DOCK4: variants seen among roughly 807,000 people sequenced by gnomAD.
The protein encoded by DOCK4 is dedicator of cytokinesis protein 4.
A neutral mutation model predicts 268.1 loss-of-function variants in DOCK4; 97 were observed. That is an observed-to-expected ratio of 0.36 (90% confidence interval 0.31 to 0.43). DOCK4 has a LOEUF of 0.43. Among genes scored for constraint, DOCK4 ranks in the 20% least tolerant of loss-of-function variants. The pLI is 1.00. For missense variants in DOCK4, 2,145 were observed against 2,455.7 expected (o/e 0.87, Z 2.67); for synonymous variants, 954 against 887.2 (o/e 1.08, Z -1.34).
chr7:112,125,889 G>T (rs1352493881), intron 1 of DOCK4, among the ~76,000 whole-genome samples: 1 of 151,958 alleles, frequency 6.6e-6, no homozygotes, highest in African/African-American at 2.4e-5. Context: ...GCTCATTGCA[G>T]CCTTGACCTC....
At chr7:111,905,280 C>T (rs992073647) in intron 13 of DOCK4, among the ~76,000 whole-genome samples, 1 of 152,136 alleles carries the variant, frequency 6.6e-6, no homozygotes, top group East Asian at 1.9e-4. Flanking sequence ...TCATAGCACC[C>T]GTGTGAAAAG....
chr7:111,795,238 C>A (rs966159653), intron 30 of DOCK4, among the ~76,000 whole-genome samples: 1 of 152,070 alleles, frequency 6.6e-6, no homozygotes, highest in African/African-American at 2.4e-5. Flanking sequence ...GAGGCTGAGG[C>A]AGGAGGATCA....
chr7:112,167,527 G>A (rs528697440), intron 1 of DOCK4, among the ~76,000 whole-genome samples: 3 of 152,118 alleles, frequency 2.0e-5, no homozygotes, highest in Non-Finnish European at 4.4e-5. Flanking sequence ...TAGGAATTCC[G>A]CCTATTACTT....
intron 41 of DOCK4, among the ~76,000 whole-genome samples, chr7:111,756,238 A>G (rs1012822451): frequency 6.6e-6 from 1 of 152,160 alleles, no homozygotes; most frequent in Admixed American, 6.5e-5. Flanking sequence ...AGTCCCAGCT[A>G]CTTGGGAGGC....
In DOCK4 at chr7:111,767,104, G is replaced by T. The variant is rs370281015; in HGVS notation, c.3843C>A (p.Gly1281=). 1.2e-6 allele frequency: 2 copies of T among 1,613,258 alleles called. No individual in the cohort carries two copies. Among genetic ancestry groups the T allele is most frequent in the Non-Finnish European group, 1.7e-6 (2 of 1,179,632 alleles). Reference sequence around the variant, plus strand: ...CTGCAATCTTCCGGCACAAGATAATGCCATTCTCCCAACACTGTGGACAAA... The same window carrying T: ...CTGCAATCTTCCGGCACAAGATAATTCCATTCTCCCAACACTGTGGACAAA... ...NFDRGKCWEN[G]IILCRKIAEQ... Residue 1281 remains glycine, a synonymous_variant, in exon 38 of 53, where the codon GGC becomes GGA. Coordinates refer to ENST00000428084, the MANE Select transcript of DOCK4 (RefSeq NM_001363540.2).
intron 16 of DOCK4, among the ~76,000 whole-genome samples, chr7:111,880,812 A>G (rs567276993): frequency 6.6e-6 from 1 of 152,348 alleles, no homozygotes; most frequent in South Asian, 2.1e-4. Flanking sequence ...TGCCAAGAAT[A>G]TACATTGAGG....
rs1455564736 is a variant in DOCK4 at position 111,728,038 on chromosome 7, A to G, written c.*236T>C. The G allele has an allele frequency of 5.0e-6, 2 of 397,902 alleles. No homozygotes were observed. Among genetic ancestry groups the G allele is most frequent in the Admixed American group, 4.3e-5 (1 of 23,356 alleles). 24.6% of individuals were successfully genotyped at this position (397,902 alleles called of 1,614,324 possible). ...ACAAAAGGAGTCTTTATCACTATTTACCACTTCCAAATGAGAAACGTTTTA... is the reference window on the plus strand; with the variant it reads ...ACAAAAGGAGTCTTTATCACTATTTGCCACTTCCAAATGAGAAACGTTTTA... On this transcript the variant is annotated 3_prime_UTR_variant, in exon 53 of 53. Coordinates refer to ENST00000428084, the MANE Select transcript of DOCK4 (RefSeq NM_001363540.2).
chr7:112,062,408 T>G lies in DOCK4; in HGVS notation c.38-58277A>C, dbSNP rs1232876939. On this transcript the variant is annotated intron_variant, in intron 1 of 52. Coordinates refer to ENST00000428084, the MANE Select transcript of DOCK4 (RefSeq NM_001363540.2). ...GGGACGGTTCATTCTCCAGTAAAAA[T>G]AAAGCTAATTTCTTAAATCTTATAT... Among the ~76,000 whole-genome samples the G allele has an allele frequency of 2.0e-5, 3 of 152,200 alleles. No individual in the cohort carries two copies. The East Asian group carries it at 5.8e-4, about 29-fold the overall frequency.
chr7:112,061,311 G>A (rs1273335207), intron 1 of DOCK4, among the ~76,000 whole-genome samples: 3 of 152,114 alleles, frequency 2.0e-5, no homozygotes, highest in Admixed American at 6.5e-5. Context: ...ACACCCTTGA[G>A]GATTGCAAAG....
chr7:111,784,836 C>T (rs768971456), intron 32 of DOCK4, among the ~76,000 whole-genome samples: 6 of 152,204 alleles, frequency 3.9e-5, no homozygotes, highest in Admixed American at 2.6e-4. Context: ...TACTTCCCTA[C>T]CCCTTGAAAT....
At chr7:112,008,760 G>A (rs150891545) in intron 1 of DOCK4, among the ~76,000 whole-genome samples, 1 of 152,348 alleles carries the variant, frequency 6.6e-6, no homozygotes, top group African/African-American at 2.4e-5. Context: ...TTGCGGGGCC[G>A]AGGCAGGCAG....
At chr7:112,025,035 G>C (rs764946692) in intron 1 of DOCK4, among the ~76,000 whole-genome samples, 8 of 150,078 alleles carry the variant, frequency 5.3e-5, no homozygotes, top group Non-Finnish European at 8.9e-5. Context: ...GCATAACACA[G>C]CTGGGTCATT....
At chr7:112,126,965 C>T (rs1389821691) in intron 1 of DOCK4, among the ~76,000 whole-genome samples, 7 of 151,746 alleles carry the variant, frequency 4.6e-5, no homozygotes, top group South Asian at 2.1e-4. Flanking sequence ...GTTGGTGGGA[C>T]TGTAAACTAG....
chr7:112,139,325 A>T (rs943104664), intron 1 of DOCK4, among the ~76,000 whole-genome samples: 4 of 152,216 alleles, frequency 2.6e-5, no homozygotes, highest in African/African-American at 9.7e-5. Context: ...TCGAACAAAG[A>T]CATTAATTCC....
At chr7:111,851,310 G>A (rs76316603) in intron 23 of DOCK4, among the ~76,000 whole-genome samples, 27,755 of 151,830 alleles carry the variant, frequency 0.18, 3,014 homozygotes, top group African/African-American at 0.3. Flanking sequence ...TGGGCGTGGC[G>A]GCACGCGCCT....
intron 1 of DOCK4, among the ~76,000 whole-genome samples, chr7:112,205,263 A>C (rs1453925206): frequency 1.3e-5 from 2 of 152,112 alleles, no homozygotes; most frequent in Non-Finnish European, 2.9e-5. Flanking sequence ...GTGTCAGGGT[A>C]TGCTTTCCTA....
At chr7:112,155,019 T>C (rs747277061) in intron 1 of DOCK4, among the ~76,000 whole-genome samples, 15 of 152,232 alleles carry the variant, frequency 9.9e-5, no homozygotes, top group Non-Finnish European at 2.1e-4. Flanking sequence ...CATGATTTCA[T>C]TGAGTCTCTA....
intron 52 of DOCK4, among the ~76,000 whole-genome samples, chr7:111,730,374 C>T (rs1794999172): frequency 6.6e-6 from 1 of 152,160 alleles, no homozygotes; most frequent in African/African-American, 2.4e-5. Context: ...TACATAATGT[C>T]CTGGAAAACT....
intron 1 of DOCK4, among the ~76,000 whole-genome samples, chr7:112,065,135 C>A (rs1413415311): frequency 6.6e-6 from 1 of 152,170 alleles, no homozygotes; most frequent in Non-Finnish European, 1.5e-5. Flanking sequence ...TGCCAGTTAC[C>A]AGCTGGGGTT....
Sources: gnomAD v4.1 joint callset for allele counts (sites outside exome capture counted in the v4.1 genomes callset) on GRCh38, gnomAD v4.1.1 for gene constraint, MANE v1.5 for transcripts, NCBI Gene and HGNC (gene_info 2026-07-23, HGNC 2026-07-21) for gene names.